Variants in SKAP2 observed in about 807,000 individuals in gnomAD.
SKAP2 encodes src kinase associated phosphoprotein 2.
In SKAP2, 28 loss-of-function variants were observed where a neutral mutation model predicts 54.9. The ratio of observed to expected loss-of-function variants is 0.51; its 90% confidence interval spans 0.38 to 0.70. The LOEUF is 0.70. SKAP2 is among the 30% of genes least tolerant of loss of function. The pLI is 0.00. For synonymous variants in SKAP2, 137 were observed against 134.3 expected, an observed-to-expected ratio of 1.02 and a Z score of -0.14; for missense variants, 356 against 424.1, an observed-to-expected ratio of 0.84 and a Z score of 1.41.
chr7:26,760,538 T>C (rs1469879370), intron 4 of SKAP2, among the ~76,000 whole-genome samples: 1 of 152,160 alleles, frequency 6.6e-6, no homozygotes, highest in Non-Finnish European at 1.5e-5. Context: ...TGATTTATAA[T>C]TTAGGCACTG....
At chr7:26,843,245 A>G (rs1177081345) in intron 4 of SKAP2, among the ~76,000 whole-genome samples, 9 of 152,018 alleles carry the variant, frequency 5.9e-5, no homozygotes, top group Non-Finnish European at 4.4e-5. Context: ...GGTATTATTC[A>G]TTTCTATGTC....
At chr7:26,832,558 GTGCA>G (rs1784616812) in intron 4 of SKAP2, among the ~76,000 whole-genome samples, 2 of 152,206 alleles carry the variant, frequency 1.3e-5, no homozygotes, top group African/African-American at 4.8e-5. Flanking sequence ...AGGCATGCTG[GTGCA>G]TGCCTGTAGT....
Position 26,667,890 on chromosome 7 carries a change from A to C in SKAP2, c.*1776T>G, listed in dbSNP as rs1786137631. 1 of 152,208 alleles carries C rather than the reference A, an allele frequency of 6.6e-6. No homozygotes were observed. Among genetic ancestry groups the C allele is most frequent in the South Asian group, 2.1e-4 (1 of 4,832 alleles). The allele number at this position is 152,208 out of a possible 1,614,324, so 9.4% of individuals were successfully genotyped here. ...CAAGTTTTGAAAACCAGTCCACTAA[A>C]GTCGTCTTTGGTTGTCTAACTTTTG... is the stretch of plus-strand genomic sequence containing the variant. On this transcript the variant is annotated 3_prime_UTR_variant, in exon 13 of 13. Transcript: ENST00000345317.
intron 3 of SKAP2, among the ~76,000 whole-genome samples, chr7:26,846,718 C>T (rs186507324): frequency 1.8e-3 from 267 of 152,282 alleles, no homozygotes; most frequent in African/African-American, 5.9e-3. Flanking sequence ...CGGTGGCTCA[C>T]GCCTGTAATC....
chr7:26,857,310 T>TAAAAAAAAGAAA (rs1785185353), intron 1 of SKAP2: 1 of 91,018 alleles, frequency 1.1e-5, no homozygotes, highest in Non-Finnish European at 1.9e-5. Flanking sequence ...CTGCTTTGCT[T>TAAAAAAAAGAAA]AAAAAAAAAA....
At chr7:26,850,221 A>G (rs931003915) in intron 3 of SKAP2, among the ~76,000 whole-genome samples, 9 of 152,194 alleles carry the variant, frequency 5.9e-5, no homozygotes, top group African/African-American at 2.2e-4. Flanking sequence ...CATGAAGCCT[A>G]AATTCGGGAG....
intron 8 of SKAP2, 75 bp downstream of exon 8, chr7:26,725,848 G>T: frequency 8.4e-7 from 1 of 1,197,036 alleles, no homozygotes; most frequent in Non-Finnish European, 1.2e-6. Flanking sequence ...ATAAGCTTTT[G>T]TATATGAAAA....
rs1333502271 is a variant in SKAP2, at chr7:26,669,024, T to TA, written c.*641dup. The TA allele has an allele frequency of 6.6e-6, 1 of 152,200 alleles. No homozygotes were observed. The highest frequency in any genetic ancestry group is 1.5e-5 in the Non-Finnish European group (1 of 68,038). 9.4% of individuals were successfully genotyped at this position (152,200 alleles called of 1,614,324 possible). Reference sequence around the variant, plus strand: ...ACGGTAAAATGCTTTGCATGAGTCATACTTCTGGTACGCACTTCTGTTGCA... The same window carrying TA: ...ACGGTAAAATGCTTTGCATGAGTCATAACTTCTGGTACGCACTTCTGTTGCA... On this transcript the variant is annotated 3_prime_UTR_variant, in exon 13 of 13. Coordinates refer to ENST00000345317, the MANE Select transcript of SKAP2 (RefSeq NM_003930.5).
chr7:26,732,761 G>C (rs1264715027), intron 6 of SKAP2, among the ~76,000 whole-genome samples: 1 of 152,168 alleles, frequency 6.6e-6, no homozygotes, highest in Non-Finnish European at 1.5e-5. Flanking sequence ...ACAGCTTGCA[G>C]ATGCCAATGC....
chr7:26,822,514 T>A (rs1784402289), intron 4 of SKAP2, among the ~76,000 whole-genome samples: 1 of 151,972 alleles, frequency 6.6e-6, no homozygotes, highest in African/African-American at 2.4e-5. Flanking sequence ...CCTTCCCCTA[T>A]CTCTCTGCCT....
At chr7:26,742,260 C>T (rs1029989676) in intron 4 of SKAP2, 2 of 152,090 alleles carry the variant, frequency 1.3e-5, no homozygotes, top group Non-Finnish European at 2.9e-5. Context: ...TTCCATTGGG[C>T]ATAATAAATG....
At chr7:26,701,758 CAAAT>C (rs10672161) in intron 9 of SKAP2, among the ~76,000 whole-genome samples, 2 of 91,266 alleles carry the variant, frequency 2.2e-5, no homozygotes, top group Admixed American at 1.3e-4. Context: ...AATAAATAAA[CAAAT>C]AAATAAATAA....
In SKAP2 at chr7:26,739,358, T is replaced by C. The variant is rs182513222; in HGVS notation, c.386-480A>G. 9.2e-5 allele frequency among the ~76,000 whole-genome samples: 14 copies of C among 152,340 alleles called. No individual in the cohort carries two copies. In the East Asian group the frequency reaches 2.1e-3, roughly 23 times the overall value. On this transcript the variant is annotated intron_variant, in intron 5 of 12. Transcript: ENST00000345317. ...TAATGAAAAGACTGTCTGCTTTTCA[T>C]TTCTCATATTATAAAACCACCTCCA...
chr7:26,731,910 C>T (rs1248779415), intron 6 of SKAP2, among the ~76,000 whole-genome samples: 1 of 152,194 alleles, frequency 6.6e-6, no homozygotes, highest in East Asian at 1.9e-4. Flanking sequence ...TTTTTCTCTT[C>T]TTCATTGGCT....
rs776971864 is a variant in SKAP2, at chr7:26,726,897, A to G, written c.579T>C (p.Asp193=). ...AAACTACAACCTGATATATACGTTT[A>G]TCAGGAGCAGAGATTTCAAAACAGC... ...KDCCFEISAP[D]KRIYQFTAAS... The change falls in exon 7 of 13, where the codon GAT becomes GAC. Residue 193 remains aspartate, a synonymous_variant. Coordinates refer to ENST00000345317, the MANE Select transcript of SKAP2 (RefSeq NM_003930.5). The G allele has an allele frequency of 6.2e-7, 1 of 1,609,102 alleles. No homozygotes were observed. The highest frequency in any genetic ancestry group is 1.1e-5 in the South Asian group (1 of 90,198).
rs1393649023 is a variant in SKAP2, at chr7:26,764,185, T to C, written c.308-24221A>G. Among the ~76,000 whole-genome samples the C allele has an allele frequency of 2.6e-5, 4 of 152,202 alleles. No individual in the cohort carries two copies. In the East Asian group the frequency reaches 5.8e-4, roughly 22 times the overall value. On this transcript the variant is annotated intron_variant, in intron 4 of 12. Coordinates refer to ENST00000345317, the MANE Select transcript of SKAP2 (RefSeq NM_003930.5). ...GTCTGCAAACGTGACTTGATATGTA[T>C]GTGTATAGGAAGGTGTGGGTATATA...
At chr7:26,847,412 C>T (rs1478610310) in intron 3 of SKAP2, among the ~76,000 whole-genome samples, 3 of 151,422 alleles carry the variant, frequency 2.0e-5, no homozygotes, top group Admixed American at 6.6e-5. Context: ...TTTAACTGAA[C>T]GCAGGGGTTA....
intron 4 of SKAP2, among the ~76,000 whole-genome samples, chr7:26,830,002 C>T (rs781409420): frequency 6.6e-6 from 1 of 152,018 alleles, no homozygotes; most frequent in Non-Finnish European, 1.5e-5. Flanking sequence ...AAATGTCCAT[C>T]AATTGAGGAT....
At chr7:26,804,294 A>C (rs1419258917) in intron 4 of SKAP2, among the ~76,000 whole-genome samples, 2 of 152,160 alleles carry the variant, frequency 1.3e-5, no homozygotes, top group Non-Finnish European at 2.9e-5. Context: ...AAATTTTAAA[A>C]AGAAGTGTTG....
Sources: gnomAD v4.1 joint callset for allele counts (sites outside exome capture counted in the v4.1 genomes callset) on GRCh38, gnomAD v4.1.1 for gene constraint, MANE v1.5 for transcripts, NCBI Gene and HGNC (gene_info 2026-07-23, HGNC 2026-07-21) for gene names.